FAM186A: variants seen among roughly 807,000 people sequenced by gnomAD.
The protein encoded by FAM186A is protein FAM186A.
A neutral mutation model predicts 216.8 loss-of-function variants in FAM186A; 163 were observed. The observed-to-expected ratio is 0.75, with a 90% confidence interval of 0.66 to 0.86. FAM186A has a LOEUF of 0.86. Among genes scored for constraint, FAM186A ranks in the 40% least tolerant of loss-of-function variants. The pLI, the probability that FAM186A is intolerant of heterozygous loss-of-function variation, is 0.00. For synonymous variants in FAM186A, 805 were observed against 1,025.3 expected (o/e 0.79, Z 4.10); for missense variants, 2,184 against 2,746.2 (o/e 0.80, Z 4.58).
At chr12:50,359,142 T>C (rs1177312790) in intron 3 of FAM186A, among the ~76,000 whole-genome samples, 1 of 151,868 alleles carries the variant, frequency 6.6e-6, no homozygotes, top group Non-Finnish European at 1.5e-5. Context: ...CGGGTGCCTG[T>C]AATCCCAGCA....
At chr12:50,365,665 C>G (rs749871938) in intron 1 of FAM186A, 1 of 700,572 alleles carries the variant, frequency 1.4e-6, no homozygotes, top group Non-Finnish European at 2.6e-6. Context: ...AAGTTCAGTC[C>G]CTTTGTGACT....
chr12:50,396,172 A>G (rs1438566009), intron 1 of FAM186A, 121 bp downstream of exon 1: 1 of 922,730 alleles, frequency 1.1e-6, no homozygotes, highest in Admixed American at 3.4e-5. Context: ...TTTGAAGTCA[A>G]AGCTACCCTA....
Position 50,394,732 on chromosome 12 carries a change from C to CTTTTTTTTTTTTTTTTTTTT in FAM186A, c.192+1541_192+1560dup, listed in dbSNP as rs71083561. 2.7e-3 allele frequency among the ~76,000 whole-genome samples: 80 copies of CTTTTTTTTTTTTTTTTTTTT among 29,406 alleles called. 19 individuals are homozygous for CTTTTTTTTTTTTTTTTTTTT. The highest frequency in any genetic ancestry group is 7.8e-3 in the East Asian group (6 of 766). 19.3% of individuals were successfully genotyped at this position (29,406 alleles called of 152,430 possible). ...TGAGCCACTGTGCCTGGCTAACACTCTTTTTTTTTTTTTTTTTTTTTTTTT... is the reference window on the plus strand; with the variant it reads ...TGAGCCACTGTGCCTGGCTAACACTCTTTTTTTTTTTTTTTTTTTTTTTTTTTTTTTTTTTTTTTTTTTTT... On this transcript the variant is annotated intron_variant, in intron 1 of 7. Coordinates refer to ENST00000327337, the MANE Select transcript of FAM186A (RefSeq NM_001145475.3).
chr12:50,327,576 C>G (rs557346000), intron 7 of FAM186A, among the ~76,000 whole-genome samples, 172 bp from the exon 8 acceptor site: 3 of 143,538 alleles, frequency 2.1e-5, no homozygotes, highest in African/African-American at 7.8e-5. Flanking sequence ...GGGTCTCCTA[C>G]TGTCACACAG....
intron 1 of FAM186A, among the ~76,000 whole-genome samples, chr12:50,370,506 T>A (rs1943133973): frequency 6.6e-6 from 1 of 151,614 alleles, no homozygotes; most frequent in East Asian, 1.9e-4. Flanking sequence ...AAATAACAAG[T>A]GTGGGTGAGG....
chr12:50,345,449 T>C (rs1294352529), intron 4 of FAM186A, among the ~76,000 whole-genome samples: 4 of 152,256 alleles, frequency 2.6e-5, no homozygotes, highest in Admixed American at 6.5e-5. Flanking sequence ...TGGTATTTCC[T>C]AGGTTTTCTT....
At chr12:50,328,510 A>ATT (rs1320008015) in intron 7 of FAM186A, among the ~76,000 whole-genome samples, 1 of 148,062 alleles carries the variant, frequency 6.8e-6, no homozygotes, top group African/African-American at 2.5e-5. Context: ...TTTATTTTTT[A>ATT]TTTTATTTTA....
chr12:50,357,635 T>A (rs114015427), intron 3 of FAM186A, among the ~76,000 whole-genome samples: 1,754 of 152,272 alleles, frequency 0.012, 29 homozygotes, highest in African/African-American at 0.038. Context: ...TTTAGGACTT[T>A]GAAATTGACC....
chr12:50,386,673 A>T (rs1943306634), intron 1 of FAM186A, among the ~76,000 whole-genome samples: 1 of 152,050 alleles, frequency 6.6e-6, no homozygotes. Context: ...CAGCCTGGCC[A>T]ACATGGTGAA....
At chr12:50,391,902 T>C (rs1246729825) in intron 1 of FAM186A, among the ~76,000 whole-genome samples, 2 of 152,160 alleles carry the variant, frequency 1.3e-5, no homozygotes, top group African/African-American at 4.8e-5. Flanking sequence ...TAGCAGCTTA[T>C]TTGTAATAAC....
Position 50,350,729 on chromosome 12 carries a change from T to C in FAM186A, c.6103A>G (p.Arg2035Gly), listed in dbSNP as rs1478362437. 1 of 1,551,668 alleles carries C rather than the reference T, an allele frequency of 6.4e-7. No individual in the cohort carries two copies. Among genetic ancestry groups the C allele is most frequent in the East Asian group, 2.4e-5 (1 of 40,926 alleles). ...PVYQTPYTDE[R>G]ALLTLMKPTT... The stretch of plus-strand genomic sequence containing the variant: ...GGCTTCATGAGAGTGAGAAGGGCCC[T>C]TTCATCAGTGTAAGGGGTTTGGTAT... The change falls in exon 4 of 8, where the codon AGG becomes GGG. Residue 2035 changes from arginine to glycine, a missense_variant. Arg to Gly is a moderately radical substitution (Grantham distance 125, BLOSUM62 -2). This residue lies in a region of FAM186A where 721 missense variants were observed against 816.4 expected (regional missense o/e 0.88). Coordinates refer to ENST00000327337, the MANE Select transcript of FAM186A (RefSeq NM_001145475.3).
At chr12:50,365,113 C>T (rs2136098694) in intron 1 of FAM186A, among the ~76,000 whole-genome samples, 1 of 149,096 alleles carries the variant, frequency 6.7e-6, no homozygotes. Context: ...TCCAGGAATA[C>T]AAATACTACG....
At chr12:50,393,082 A>T (rs1211539011) in intron 1 of FAM186A, among the ~76,000 whole-genome samples, 3 of 143,068 alleles carry the variant, frequency 2.1e-5, no homozygotes, top group African/African-American at 7.9e-5. Context: ...GCCCGCCACC[A>T]CGCCCGGCTA....
At position 50,350,424 on chromosome 12, in the gene FAM186A, A is replaced by G. The variant is rs528289384; in HGVS notation, c.6408T>C (p.Ala2136=). Residue 2136 remains alanine, a synonymous_variant, in exon 4 of 8, where the codon GCT becomes GCC. Transcript: ENST00000327337. ...GAAGTATCTCAATTATGAGAGTCCT[A>G]GCCATTGTGTGTAGCTGTGAAGGGA... The part of the protein sequence containing the change: ...CGLPSQLHTM[A]RTLIIEILHM... 1.3e-6 allele frequency: 2 copies of G among 1,551,526 alleles called. No individual in the cohort carries two copies. Among genetic ancestry groups the G allele is most frequent in the Admixed American group, 3.9e-5 (2 of 50,920 alleles).
At chr12:50,360,159 G>A (rs1362466445) in intron 3 of FAM186A, among the ~76,000 whole-genome samples, 3 of 150,200 alleles carry the variant, frequency 2.0e-5, no homozygotes, top group East Asian at 2.0e-4. Flanking sequence ...CACAAGAATC[G>A]CTTGAACCCA....
chr12:50,373,266 A>G (rs537550120), intron 1 of FAM186A, among the ~76,000 whole-genome samples: 1 of 152,072 alleles, frequency 6.6e-6, no homozygotes, highest in Non-Finnish European at 1.5e-5. Flanking sequence ...GTGTGGTGGC[A>G]CGCACCTGTA....
chr12:50,336,814 T>G (rs746255442), intron 4 of FAM186A, among the ~76,000 whole-genome samples: 2 of 151,432 alleles, frequency 1.3e-5, no homozygotes, highest in African/African-American at 4.9e-5. Context: ...GGAGTTTGGA[T>G]CTTCTCTTAT....
chr12:50,376,744 CTCTTT>C (rs1267374405), intron 1 of FAM186A, among the ~76,000 whole-genome samples: 2 of 28,910 alleles, frequency 6.9e-5, no homozygotes, highest in South Asian at 4.9e-3. Flanking sequence ...CTCTCTCTCT[CTCTTT>C]TTTTTTTTTT....
At chr12:50,328,239 A>C (rs1171487385) in intron 7 of FAM186A, among the ~76,000 whole-genome samples, 1 of 152,164 alleles carries the variant, frequency 6.6e-6, no homozygotes, top group Non-Finnish European at 1.5e-5. Context: ...ACAATGGGCC[A>C]GGTGTGCCTG....
Sources: gnomAD v4.1 joint callset for allele counts (sites outside exome capture counted in the v4.1 genomes callset) on GRCh38, gnomAD v4.1.1 for gene constraint, gnomAD v4.1.1 regional missense constraint, MANE v1.5 for transcripts, NCBI Gene and HGNC (gene_info 2026-07-23, HGNC 2026-07-21) for gene names.